The following RBFOX1 variants were observed in gnomAD, a reference collection of about 807,000 sequenced individuals.
The protein encoded by RBFOX1 is RNA binding fox-1 homolog 1, also known as RNA binding protein fox-1 homolog 1.
A neutral mutation model predicts 57.7 loss-of-function variants in RBFOX1; 8 were observed. That is an observed-to-expected ratio of 0.14 (90% confidence interval 0.08 to 0.25). The LOEUF is 0.25. Among genes scored for constraint, RBFOX1 ranks in the 10% least tolerant of loss-of-function variants. The probability of loss-of-function intolerance (pLI) is 1.00; values close to 1 mark genes in which losing one functional copy is unlikely to be tolerated. For synonymous variants in RBFOX1, 326 were observed against 222.4 expected (o/e 1.47, Z -4.15); for missense variants, 611 against 548.5 (o/e 1.11, Z -1.14).
At chr16:5,362,320 G>A (rs944351128) in intron 1 of RBFOX1, among the ~76,000 whole-genome samples, 1 of 151,756 alleles carries the variant, frequency 6.6e-6, no homozygotes, top group Non-Finnish European at 1.5e-5. Context: ...CCTCCCGAGT[G>A]TCTGGGACTA....
At chr16:5,763,759 G>T (rs1278526988) in intron 3 of RBFOX1, among the ~76,000 whole-genome samples, 1 of 152,134 alleles carries the variant, frequency 6.6e-6, no homozygotes, top group Non-Finnish European at 1.5e-5. Flanking sequence ...TTTAGCCCCA[G>T]AGATTCACAG....
chr16:5,526,016 T>C (rs2044230315), intron 2 of RBFOX1, among the ~76,000 whole-genome samples: 1 of 147,596 alleles, frequency 6.8e-6, no homozygotes, highest in Non-Finnish European at 1.5e-5. Context: ...TGGTCTGTGG[T>C]CCCAGGGGGC....
chr16:5,858,637 A>G (rs1325969072), intron 3 of RBFOX1, among the ~76,000 whole-genome samples: 2 of 152,214 alleles, frequency 1.3e-5, no homozygotes, highest in African/African-American at 4.8e-5. Context: ...GTGCATGTAA[A>G]TATTTCATTC....
rs71142685 is a variant in RBFOX1, at chr16:6,142,189, C to CAAAAAAAA, written c.-127+122217_-127+122224dup. Reference sequence around the variant, plus strand: ...TCAGAGATCCTTGTTGCTGCTGCTGCAAAAAAAAAAAAAAAAAAAAAAAAA... The same window carrying CAAAAAAAA: ...TCAGAGATCCTTGTTGCTGCTGCTGCAAAAAAAAAAAAAAAAAAAAAAAAAAAAAAAAA... On this transcript the variant is annotated intron_variant, in intron 1 of 15. Coordinates refer to ENST00000550418, the MANE Select transcript of RBFOX1 (RefSeq NM_018723.4). 3.5e-3 allele frequency among the ~76,000 whole-genome samples: 171 copies of CAAAAAAAA among 49,086 alleles called. 13 individuals are homozygous for CAAAAAAAA. The highest frequency in any genetic ancestry group is 0.015 in the African/African-American group (163 of 10,976). The allele number at this position is 49,086 out of a possible 152,430, so 32.2% of individuals were successfully genotyped here.
intron 14 of RBFOX1, among the ~76,000 whole-genome samples, chr16:7,707,201 G>C (rs1488224922): frequency 6.6e-6 from 1 of 152,146 alleles, no homozygotes; most frequent in Non-Finnish European, 1.5e-5. Context: ...ATGGGCTTGA[G>C]AGTTGGAAGA....
At chr16:6,079,827 C>A (rs1043278631) in intron 1 of RBFOX1, among the ~76,000 whole-genome samples, 1 of 152,088 alleles carries the variant, frequency 6.6e-6, no homozygotes, top group African/African-American at 2.4e-5. Context: ...CAAAGCAAGA[C>A]CCTGTCTCAA....
intron 2 of RBFOX1, among the ~76,000 whole-genome samples, chr16:6,337,963 A>G (rs2084003909): frequency 1.3e-5 from 2 of 152,300 alleles, no homozygotes; most frequent in African/African-American, 2.4e-5. Flanking sequence ...TGGCATTTTC[A>G]CAAAGTCAGA....
In RBFOX1 at chr16:7,653,851, C is replaced by T. The variant is rs2065670603; in HGVS notation, c.794C>T (p.Ala265Val). 1.2e-6 allele frequency: 2 copies of T among 1,606,538 alleles called. No homozygotes were observed. Among genetic ancestry groups the T allele is most frequent in the African/African-American group, 1.3e-5 (1 of 74,908 alleles). Reference protein sequence around the residue: ...GFPYPAATAAAAYRGAHLRGR... With the variant: ...GFPYPAATAAVAYRGAHLRGR... ...CCGTATCCAGCAGCCACCGCCGCGG[C>T]CGCCTACCGAGGGGCGCACCTGCGA... Residue 265 changes from alanine to valine, a missense_variant, in exon 12 of 16, where the codon GCC becomes GTC. Physicochemically the swap from Ala to Val is moderately conservative, Grantham distance 64 (BLOSUM62 0). Around this residue, in one of 3 missense-constraint regions of RBFOX1, gnomAD observed 267 missense variants for 229.1 expected, o/e 1.17. Coordinates refer to ENST00000550418, the MANE Select transcript of RBFOX1 (RefSeq NM_018723.4).
At chr16:6,681,382 AGTTTG>A (rs1400522566) in intron 3 of RBFOX1, among the ~76,000 whole-genome samples, 5 of 152,218 alleles carry the variant, frequency 3.3e-5, no homozygotes, top group Non-Finnish European at 7.3e-5. Context: ...TTGGTTAAAA[AGTTTG>A]GTATCTTGGT....
intron 1 of RBFOX1, among the ~76,000 whole-genome samples, chr16:6,265,786 G>C (rs2074407905): frequency 6.6e-6 from 1 of 152,012 alleles, no homozygotes; most frequent in South Asian, 2.1e-4. Context: ...CAACTACTCT[G>C]AATTCTTCAG....
intron 3 of RBFOX1, among the ~76,000 whole-genome samples, chr16:6,975,690 T>A (rs558913795): frequency 6.6e-6 from 1 of 152,310 alleles, no homozygotes; most frequent in African/African-American, 2.4e-5. Flanking sequence ...ATATCTTCCC[T>A]TGGAACATCA....
intron 1 of RBFOX1, among the ~76,000 whole-genome samples, chr16:6,310,445 G>C (rs1056141265): frequency 6.6e-6 from 1 of 152,166 alleles, no homozygotes; most frequent in Admixed American, 6.5e-5. Context: ...TGAAGAAGTA[G>C]GCGTAGCGCT....
chr16:6,009,669 G>C (rs1050828324), intron 4 of RBFOX1, among the ~76,000 whole-genome samples: 1 of 152,078 alleles, frequency 6.6e-6, no homozygotes, highest in Non-Finnish European at 1.5e-5. Flanking sequence ...AAAGCCCTCA[G>C]ATCTTAAAAT....
rs149738243 is a variant in RBFOX1, at chr16:7,199,943, C to G, written c.27+147845C>G. 1.1e-3 allele frequency among the ~76,000 whole-genome samples: 170 copies of G among 152,156 alleles called. 1 individual carries two copies. Among genetic ancestry groups the G allele is most frequent in the African/African-American group, 3.9e-3 (163 of 41,508 alleles). The stretch of plus-strand genomic sequence containing the variant: ...CAACAACAACAACAAAGAAATTAGA[C>G]AAAAGAACAAACAACGTGTTGGGGA... On this transcript the variant is annotated intron_variant, in intron 4 of 15. Coordinates refer to ENST00000550418, the MANE Select transcript of RBFOX1 (RefSeq NM_018723.4).
chr16:6,019,260 GC>G lies in RBFOX1; in HGVS notation c.-854del, dbSNP rs567843943. 2.2e-4 allele frequency: 220 copies of G among 985,112 alleles called. 1 individual carries two copies. The highest frequency in any genetic ancestry group is 2.6e-4 in the Non-Finnish European group (212 of 830,064). 61.0% of individuals were successfully genotyped at this position (985,112 alleles called of 1,614,324 possible). A position where few individuals can be genotyped will look rare whatever the true frequency, so the allele number is the denominator to read the frequency against. On this transcript the variant is annotated 5_prime_UTR_variant, in exon 1 of 16. Coordinates refer to ENST00000550418, the MANE Select transcript of RBFOX1 (RefSeq NM_018723.4). This position sits in a 1 kb window ranked among gnomAD's most constrained non-coding sequence, Gnocchi z 4.2. ...ACACACCGCTCCCTCGATCACCCCA[GC>G]CCCCTTCCTGGTCTCCCGAGCGCGG...
rs922425673 is a variant in RBFOX1, at chr16:6,236,041, A to G, written c.-126-80954A>G. On this transcript the variant is annotated intron_variant, in intron 1 of 15. Transcript: ENST00000550418. Reference sequence around the variant, plus strand: ...TCAAAAAATAAAGTAGGAAAGAATGACACTGACAAAATCTATAGGAAATGG... The same window carrying G: ...TCAAAAAATAAAGTAGGAAAGAATGGCACTGACAAAATCTATAGGAAATGG... Among the ~76,000 whole-genome samples, 9 of 152,350 alleles carry G rather than the reference A, an allele frequency of 5.9e-5. No individual in the cohort carries two copies. The South Asian group carries it at 1.9e-3, about 32-fold the overall frequency.
At chr16:7,366,079 C>T (rs375699174) in intron 4 of RBFOX1, among the ~76,000 whole-genome samples, 5 of 152,174 alleles carry the variant, frequency 3.3e-5, no homozygotes, top group East Asian at 1.9e-4. Flanking sequence ...ATCACTGAGC[C>T]AATCAGCTAT....
At chr16:6,513,653 G>T (rs8062060) in intron 2 of RBFOX1, among the ~76,000 whole-genome samples, 7,590 of 152,196 alleles carry the variant, frequency 0.05, 640 homozygotes, top group African/African-American at 0.17. Flanking sequence ...AGAATCACTT[G>T]AACTTGGGAG....
At position 5,351,997 on chromosome 16, in the gene RBFOX1, G is replaced by T. The variant is rs368244115; in HGVS notation, c.219+111892G>T. On this transcript the variant is annotated intron_variant, in intron 1 of 2. Transcript: ENST00000585867. ...TTTTTTGTATTTTTAGTGGAGACAG[G>T]GTTTCACCATGTTGGCCAGGCTGGT... is the stretch of plus-strand genomic sequence containing the variant. Among the ~76,000 whole-genome samples the T allele has an allele frequency of 3.7e-4, 56 of 152,180 alleles. 2 individuals carry two copies. The South Asian group carries it at 0.011, about 31-fold the overall frequency.
Sources: gnomAD v4.1 joint callset for allele counts (sites outside exome capture counted in the v4.1 genomes callset) on GRCh38, gnomAD v4.1.1 for gene constraint, gnomAD v4.1.1 regional missense constraint, Gnocchi (gnomAD v3.1) non-coding constraint, MANE v1.5 for transcripts, NCBI Gene and HGNC (gene_info 2026-07-23, HGNC 2026-07-21) for gene names.